Variants in KCNC2 observed in about 807,000 individuals in gnomAD.
The protein encoded by KCNC2 is voltage-gated potassium channel KCNC2.
A neutral mutation model predicts 44.5 loss-of-function variants in KCNC2; 21 were observed. The ratio of observed to expected loss-of-function variants is 0.47; its 90% CI spans 0.33 to 0.68. The LOEUF is 0.68. KCNC2 is among the 30% of genes least tolerant of loss of function. The pLI is 0.01. For missense variants in KCNC2, 589 were observed against 826.2 expected, an observed-to-expected ratio of 0.71 and a Z score of 3.52; for synonymous variants, 391 against 339.1, an observed-to-expected ratio of 1.15 and a Z score of -1.68.
rs201189599 is a variant in KCNC2 at position 75,209,671 on chromosome 12, A to G, written c.-484T>C. 6.6e-6 allele frequency: 1 copy of G among 152,426 alleles called. No individual in the cohort carries two copies. Among genetic ancestry groups the G allele is most frequent in the Non-Finnish European group, 1.5e-5 (1 of 68,298 alleles). 9.4% of individuals were successfully genotyped at this position (152,426 alleles called of 1,614,324 possible). On this transcript the variant is annotated 5_prime_UTR_variant, in exon 1 of 5. Coordinates refer to ENST00000549446, the MANE Select transcript of KCNC2 (RefSeq NM_139137.4). ...ATTTTGTTTCTCCCCCAAATCAGCC[A>G]CTGCTGGAGCTGTCCCTTCAGCACC...
At chr12:75,063,437 T>C (rs1251470851) in intron 2 of KCNC2, among the ~76,000 whole-genome samples, 1 of 152,082 alleles carries the variant, frequency 6.6e-6, no homozygotes, top group Non-Finnish European at 1.5e-5. Flanking sequence ...TAAAGATTTA[T>C]TCAAATGCCA....
chr12:75,129,513 C>T (rs927452126), intron 2 of KCNC2, among the ~76,000 whole-genome samples: 1 of 152,062 alleles, frequency 6.6e-6, no homozygotes. Flanking sequence ...GTGTGTCTAG[C>T]TTTGTAAACA....
intron 2 of KCNC2, among the ~76,000 whole-genome samples, chr12:75,060,428 C>T (rs903905308): frequency 4.6e-5 from 7 of 151,928 alleles, no homozygotes; most frequent in African/African-American, 1.7e-4. Context: ...ACTTTAATGG[C>T]TCCCAACTAC....
intron 2 of KCNC2, among the ~76,000 whole-genome samples, chr12:75,146,443 A>G (rs914248548): frequency 7.9e-5 from 12 of 152,114 alleles, no homozygotes; most frequent in African/African-American, 2.9e-4. Flanking sequence ...GAACATTTTG[A>G]TTTTGAGATG....
chr12:75,123,387 A>C (rs1471806947), intron 2 of KCNC2, among the ~76,000 whole-genome samples: 1 of 152,178 alleles, frequency 6.6e-6, no homozygotes, highest in Non-Finnish European at 1.5e-5. Context: ...TAAATGTTTT[A>C]AAAATACACT....
chr12:75,175,838 GT>G (rs1387750523), intron 2 of KCNC2, among the ~76,000 whole-genome samples: 4 of 152,046 alleles, frequency 2.6e-5, no homozygotes, highest in African/African-American at 9.7e-5. Flanking sequence ...TTCAATAATA[GT>G]TTAAGAACAG....
At chr12:75,141,143 T>A (rs1889624418) in intron 2 of KCNC2, among the ~76,000 whole-genome samples, 1 of 152,146 alleles carries the variant, frequency 6.6e-6, no homozygotes, top group African/African-American at 2.4e-5. Context: ...CCTCTTATTT[T>A]TCTCTTCTTT....
In KCNC2 at chr12:75,152,524, T is replaced by C. The variant is rs372718003; in HGVS notation, c.687+54773A>G. ...AAGAGTTAATGAAAAACATTCTCAC[T>C]AAAGGAAATTTTTATTTATATCCTT... On this transcript the variant is annotated intron_variant, in intron 2 of 4. Transcript: ENST00000549446. 8.6e-5 allele frequency among the ~76,000 whole-genome samples: 13 copies of C among 152,046 alleles called. No homozygotes were observed. The East Asian group carries it at 1.2e-3, about 14-fold the overall frequency.
chr12:75,143,682 C>A (rs1236446652), intron 2 of KCNC2, among the ~76,000 whole-genome samples: 2 of 152,134 alleles, frequency 1.3e-5, no homozygotes, highest in Non-Finnish European at 2.9e-5. Context: ...GTCATTTGAT[C>A]CTGGATTCTC....
chr12:75,176,788 T>A (rs1033009905), intron 2 of KCNC2, among the ~76,000 whole-genome samples: 1 of 151,944 alleles, frequency 6.6e-6, no homozygotes, highest in African/African-American at 2.4e-5. Flanking sequence ...CATTAAAATA[T>A]CTGTGACCTT....
intron 2 of KCNC2, among the ~76,000 whole-genome samples, chr12:75,072,730 T>C (rs2137041778): frequency 6.6e-6 from 1 of 152,256 alleles, no homozygotes; most frequent in South Asian, 2.1e-4. Flanking sequence ...GGAATGACAG[T>C]CTTAACTTGC....
chr12:75,179,667 A>G (rs534292617), intron 2 of KCNC2, among the ~76,000 whole-genome samples: 1 of 150,338 alleles, frequency 6.7e-6, no homozygotes, highest in South Asian at 2.1e-4. Context: ...CTACTTTTAT[A>G]TCTTTTATAA....
chr12:75,104,059 G>C (rs1004212845), intron 2 of KCNC2, among the ~76,000 whole-genome samples: 1 of 151,938 alleles, frequency 6.6e-6, no homozygotes, highest in Non-Finnish European at 1.5e-5. Context: ...CTGGATCATC[G>C]AGCCATGACA....
intron 2 of KCNC2, among the ~76,000 whole-genome samples, chr12:75,193,932 A>T (rs2030532931): frequency 6.6e-6 from 1 of 152,190 alleles, no homozygotes; most frequent in African/African-American, 2.4e-5. Flanking sequence ...CCATAGAGGG[A>T]CTAGAGTTAA....
chr12:75,107,278 T>C (rs1886867917), intron 2 of KCNC2, among the ~76,000 whole-genome samples: 1 of 152,046 alleles, frequency 6.6e-6, no homozygotes, highest in South Asian at 2.1e-4. Context: ...CAATCCAGCC[T>C]GGGTGACAGA....
intron 2 of KCNC2, among the ~76,000 whole-genome samples, chr12:75,058,415 T>C (rs1881971548): frequency 6.6e-6 from 1 of 152,060 alleles, no homozygotes; most frequent in African/African-American, 2.4e-5. Flanking sequence ...CCATCTAGTG[T>C]TATAGAGTCA....
intron 2 of KCNC2, among the ~76,000 whole-genome samples, chr12:75,204,368 C>T (rs2137805934): frequency 6.6e-6 from 1 of 152,034 alleles, no homozygotes; most frequent in African/African-American, 2.4e-5. Context: ...TTCCTATCAC[C>T]GTTGTTTTGT....
chr12:75,110,248 T>G (rs1284380760), intron 2 of KCNC2, among the ~76,000 whole-genome samples: 1 of 152,136 alleles, frequency 6.6e-6, no homozygotes, highest in Non-Finnish European at 1.5e-5. Context: ...TGCATCCTGG[T>G]AAATTATTCT....
At chr12:75,097,677 A>G (rs890147714) in intron 2 of KCNC2, among the ~76,000 whole-genome samples, 2 of 152,154 alleles carry the variant, frequency 1.3e-5, no homozygotes, top group African/African-American at 2.4e-5. Flanking sequence ...ATCCTACCTT[A>G]TAAAAATGTA....
Sources: gnomAD v4.1 joint callset for allele counts (sites outside exome capture counted in the v4.1 genomes callset) on GRCh38, gnomAD v4.1.1 for gene constraint, MANE v1.5 for transcripts, NCBI Gene and HGNC (gene_info 2026-07-23, HGNC 2026-07-21) for gene names.